Variants in NLGN4X observed in about 807,000 individuals in gnomAD.
NLGN4X encodes neuroligin-4, X-linked.
NLGN4X carries 3 observed loss-of-function variants against 40.3 expected under a neutral mutation model. The ratio of observed to expected loss-of-function variants is 0.07; its 90% CI spans 0.03 to 0.19. The LOEUF is 0.19. Among genes scored for constraint, NLGN4X ranks in the 10% least tolerant of loss-of-function variants. The pLI, the probability that NLGN4X is intolerant of heterozygous loss-of-function variation, is 1.00. For synonymous variants in NLGN4X, 270 were observed against 306.8 expected, an observed-to-expected ratio of 0.88 and a Z score of 1.25; for missense variants, 382 against 708.3, an observed-to-expected ratio of 0.54 and a Z score of 5.23.
At chrX:6,163,958 C>G (rs1378161548) in intron 1 of NLGN4X, among the ~76,000 whole-genome samples, 2 of 112,801 alleles carry the variant, frequency 1.8e-5, no homozygotes, top group African/African-American at 6.4e-5. Flanking sequence ...ACACAGAAGA[C>G]AGAAAATTGG....
At chrX:6,104,527 GCTCTCT>G (rs34616814) in intron 2 of NLGN4X, among the ~76,000 whole-genome samples, 12 of 103,313 alleles carry the variant, frequency 1.2e-4, no homozygotes, top group Admixed American at 8.5e-4. Flanking sequence ...GATCTTTTTT[GCTCTCT>G]CTCTCTCTCT....
chrX:5,908,239 G>T (rs2032306583), intron 4 of NLGN4X, among the ~76,000 whole-genome samples: 1 of 110,120 alleles, frequency 9.1e-6, no homozygotes, highest in Non-Finnish European at 1.9e-5. Context: ...GAGACCATCA[G>T]GGAGAGAGAC....
chrX:5,931,967 C>T (rs1003582415), intron 3 of NLGN4X, among the ~76,000 whole-genome samples: 2 of 111,420 alleles, frequency 1.8e-5, no homozygotes, highest in Non-Finnish European at 3.8e-5. Flanking sequence ...TAATCATTGT[C>T]TAATCTCCCT....
At chrX:6,125,308 CAG>C (rs1442428791) in intron 2 of NLGN4X, among the ~76,000 whole-genome samples, 1 of 111,662 alleles carries the variant, frequency 9.0e-6, no homozygotes, top group Admixed American at 9.5e-5. Context: ...ATTAGCGAAA[CAG>C]AGAAAAAACA....
At chrX:6,198,477 G>T (rs1298582294) in intron 1 of NLGN4X, among the ~76,000 whole-genome samples, 4 of 112,076 alleles carry the variant, frequency 3.6e-5, no homozygotes, top group Non-Finnish European at 5.6e-5. Flanking sequence ...TTGTACAAGT[G>T]TTTGCTGAAC....
intron 2 of NLGN4X, among the ~76,000 whole-genome samples, chrX:6,127,282 C>T (rs1478879334): frequency 1.8e-5 from 2 of 112,228 alleles, no homozygotes; most frequent in Non-Finnish European, 3.8e-5. Context: ...CCATTTATCC[C>T]TATCAAGGTC....
At chrX:6,202,050 A>G (rs1201023537) in intron 1 of NLGN4X, among the ~76,000 whole-genome samples, 1 of 111,130 alleles carries the variant, frequency 9.0e-6, no homozygotes, top group African/African-American at 3.3e-5. Flanking sequence ...GTGAAGGAAA[A>G]TTAGAAGAAT....
At chrX:6,064,615 C>A (rs757980038) in intron 2 of NLGN4X, among the ~76,000 whole-genome samples, 1 of 110,971 alleles carries the variant, frequency 9.0e-6, no homozygotes, top group Admixed American at 9.6e-5. Context: ...TCTATGGAAG[C>A]AGGGGACAAG....
chrX:6,030,904 T>G (rs1287187853), intron 2 of NLGN4X, among the ~76,000 whole-genome samples: 1 of 112,074 alleles, frequency 8.9e-6, no homozygotes, highest in Non-Finnish European at 1.9e-5. Flanking sequence ...CTCATTTCTT[T>G]TACCATTACC....
rs756968677 is a variant in NLGN4X at position 5,966,331 on chromosome X, A to G, written c.626-57092T>C. ...TGAGTCATGTGTAAACTTAGCTTAA[A>G]TATTAATAAACACTTAGTAAATTCA... On this transcript the variant is annotated intron_variant, in intron 3 of 5. Transcript: ENST00000381095. Among the ~76,000 whole-genome samples the G allele has an allele frequency of 1.6e-3, 180 of 112,512 alleles. 1 individual carries two copies. Among genetic ancestry groups the G allele is most frequent in the Non-Finnish European group, 1.4e-3 (72 of 53,257 alleles).
intron 3 of NLGN4X, among the ~76,000 whole-genome samples, chrX:6,027,974 G>A (rs962997629): frequency 2.7e-5 from 3 of 109,881 alleles, no homozygotes; most frequent in African/African-American, 9.9e-5. Flanking sequence ...CTGCCATCAG[G>A]CCCAGTTAAT....
chrX:6,192,504 A>G (rs962313719), intron 1 of NLGN4X, among the ~76,000 whole-genome samples: 2 of 111,628 alleles, frequency 1.8e-5, no homozygotes, highest in African/African-American at 6.5e-5. Context: ...GAAGATATTA[A>G]AAGGTAATGA....
chrX:5,902,492 A>C (rs1369559276), intron 5 of NLGN4X, among the ~76,000 whole-genome samples: 1 of 109,832 alleles, frequency 9.1e-6, no homozygotes, highest in Admixed American at 9.7e-5. Context: ...ACTCCAGCCT[A>C]GGCAACAGAG....
At chrX:6,216,494 C>T (rs928770149) in intron 1 of NLGN4X, among the ~76,000 whole-genome samples, 1 of 112,344 alleles carries the variant, frequency 8.9e-6, no homozygotes, top group Non-Finnish European at 1.9e-5. Context: ...GACCAAATGC[C>T]TCTGAGGCTC....
At chrX:6,058,780 C>T (rs932984757) in intron 2 of NLGN4X, among the ~76,000 whole-genome samples, 1 of 111,361 alleles carries the variant, frequency 9.0e-6, no homozygotes, top group African/African-American at 3.3e-5. Context: ...ATGTAGATAG[C>T]CTGAAGCTCT....
chrX:6,029,543 G>T, intron 2 of NLGN4X, 111 bp from the exon 3 acceptor site: 1 of 788,359 alleles, frequency 1.3e-6, no homozygotes, highest in Non-Finnish European at 1.9e-6. Flanking sequence ...CTTGAATTAA[G>T]CACATTTATT....
intron 1 of NLGN4X, among the ~76,000 whole-genome samples, chrX:6,196,279 C>T (rs968169804): frequency 9.0e-6 from 1 of 111,359 alleles, no homozygotes; most frequent in Non-Finnish European, 1.9e-5. Context: ...GAAAGTGTTT[C>T]GGTGGCTCAC....
In NLGN4X at chrX:5,909,145, G is replaced by C. The variant is rs989984224; in HGVS notation, c.720C>G (p.Ala240=). 32 of 1,209,578 alleles carry C rather than the reference G, an allele frequency of 2.6e-5. No individual in the cohort carries two copies. Among genetic ancestry groups the C allele is most frequent in the Non-Finnish European group, 3.6e-5 (32 of 895,188 alleles). Residue 240 remains alanine, a synonymous_variant, in exon 4 of 6, where the codon GCC becomes GCG. Transcript: ENST00000381095. ...TCACTCTCTTGGGGTCCCCGCCAAAGGCTCCCACATTCTCCTCAATCCACC... is the reference window on the plus strand; with the variant it reads ...TCACTCTCTTGGGGTCCCCGCCAAACGCTCCCACATTCTCCTCAATCCACC... The part of the protein sequence containing the change: ...ALRWIEENVG[A]FGGDPKRVTI...
intron 2 of NLGN4X, among the ~76,000 whole-genome samples, chrX:6,135,854 G>A (rs1378694087): frequency 9.0e-6 from 1 of 111,659 alleles, no homozygotes; most frequent in Non-Finnish European, 1.9e-5. Flanking sequence ...TAGACCTGAG[G>A]ACACCATTTT....
Sources: gnomAD v4.1 joint callset for allele counts (sites outside exome capture counted in the v4.1 genomes callset) on GRCh38, gnomAD v4.1.1 for gene constraint, MANE v1.5 for transcripts, NCBI Gene and HGNC (gene_info 2026-07-23, HGNC 2026-07-21) for gene names.